Variants in MYO5A observed in about 807,000 individuals in gnomAD.
MYO5A encodes the protein myosin VA.
MYO5A carries 98 observed loss-of-function variants against 249.7 expected under a neutral mutation model. The observed-to-expected ratio is 0.39, with a 90% confidence interval of 0.33 to 0.46. MYO5A has a LOEUF of 0.46. Ranked by LOEUF, MYO5A falls within the 20% of genes least tolerant of loss-of-function variation. MYO5A has a pLI of 0.98. For synonymous variants in MYO5A, 778 were observed against 810.6 expected, an observed-to-expected ratio of 0.96 and a Z score of 0.68; for missense variants, 1,696 against 2,308.8, an observed-to-expected ratio of 0.73 and a Z score of 5.44.
At chr15:52,372,943 T>C (rs908623355) in intron 20 of MYO5A, among the ~76,000 whole-genome samples, 5 of 150,144 alleles carry the variant, frequency 3.3e-5, no homozygotes, top group Middle Eastern at 3.4e-3. Context: ...AAAAAGTTTG[T>C]ACTGATTTAT....
chr15:52,442,357 T>C (rs1171405800), intron 1 of MYO5A, among the ~76,000 whole-genome samples: 1 of 151,780 alleles, frequency 6.6e-6, no homozygotes, highest in Non-Finnish European at 1.5e-5. Context: ...GTAAAATGGG[T>C]GTAAGAGAAA....
At position 52,344,958 on chromosome 15, in the gene MYO5A, A is replaced by G. The variant is rs2039547878; in HGVS notation, c.3959+1403T>C. On this transcript the variant is annotated intron_variant, in intron 30 of 41. Transcript: ENST00000399233. ...CTATATTAACACATTCTTAGATATA[A>G]CATATGTTTATAATTTAAACTGATA... 2.0e-5 allele frequency among the ~76,000 whole-genome samples: 3 copies of G among 152,250 alleles called. No individual in the cohort carries two copies. The South Asian group carries it at 6.2e-4, about 32-fold the overall frequency.
chr15:52,450,899 T>C (rs1461486147), intron 1 of MYO5A, among the ~76,000 whole-genome samples: 1 of 141,870 alleles, frequency 7.0e-6, no homozygotes, highest in East Asian at 2.0e-4. Context: ...CCAGGCTGGA[T>C]TGCAGTGGTG....
intron 1 of MYO5A, among the ~76,000 whole-genome samples, chr15:52,489,059 A>G (rs4774625): frequency 0.15 from 22,857 of 152,176 alleles, 1,828 homozygotes; most frequent in Middle Eastern, 0.22. Context: ...GTGTAAAAGT[A>G]AAACTGCAGA....
At chr15:52,452,067 A>T (rs1186713013) in intron 1 of MYO5A, among the ~76,000 whole-genome samples, 1 of 152,220 alleles carries the variant, frequency 6.6e-6, no homozygotes. Flanking sequence ...AGAATTGAGT[A>T]AATATAGGCA....
At chr15:52,368,362 C>A (rs1314694099) in intron 22 of MYO5A, among the ~76,000 whole-genome samples, 1 of 152,110 alleles carries the variant, frequency 6.6e-6, no homozygotes, top group Non-Finnish European at 1.5e-5. Flanking sequence ...GGTAGGGGTG[C>A]ACAACCAATC....
intron 30 of MYO5A, 116 bp downstream of exon 30, chr15:52,346,245 C>T (rs889350636): frequency 1.4e-6 from 1 of 690,920 alleles, no homozygotes; most frequent in Non-Finnish European, 2.6e-6. Context: ...CCTTTGAAGG[C>T]CAGTTAATGT....
At chr15:52,354,767 T>C (rs1043844054) in intron 25 of MYO5A, among the ~76,000 whole-genome samples, 3 of 151,930 alleles carry the variant, frequency 2.0e-5, no homozygotes, top group East Asian at 1.9e-4. Context: ...GGGAGGAGAA[T>C]TGCTTGAACC....
intron 10 of MYO5A, 55 bp from the exon 11 acceptor site, chr15:52,396,452 A>T (rs1391975709): frequency 1.1e-5 from 10 of 943,494 alleles, no homozygotes; most frequent in Non-Finnish European, 1.7e-5. Context: ...AAGCTTTTTA[A>T]AAATATTCAA....
At chr15:52,424,447 A>G (rs1398639054) in intron 4 of MYO5A, among the ~76,000 whole-genome samples, 1 of 152,206 alleles carries the variant, frequency 6.6e-6, no homozygotes, top group Admixed American at 6.5e-5. Context: ...GAAAGTTGCT[A>G]TAAGAATAAA....
chr15:52,441,885 A>C (rs1256492807), intron 1 of MYO5A, among the ~76,000 whole-genome samples: 1 of 152,210 alleles, frequency 6.6e-6, no homozygotes, highest in Non-Finnish European at 1.5e-5. Context: ...TTTTTCAAAA[A>C]ACTTTTGTTA....
Position 52,313,675 on chromosome 15 carries a change from A to G in MYO5A, c.*21T>C. 1 of 1,613,878 alleles carries G rather than the reference A, an allele frequency of 6.2e-7. No homozygotes were observed. The highest frequency in any genetic ancestry group is 8.5e-7 in the Non-Finnish European group (1 of 1,179,832). On this transcript the variant is annotated 3_prime_UTR_variant, in exon 42 of 42. Coordinates refer to ENST00000399233, the MANE Select transcript of MYO5A (RefSeq NM_001382347.1). ...ATTTCGGGCAAGAAATGTATTGTCA[A>G]TTTTTGCCTGGACATCACTTTCAGA...
chr15:52,458,939 G>A (rs1179182384), intron 1 of MYO5A, among the ~76,000 whole-genome samples: 1 of 151,684 alleles, frequency 6.6e-6, no homozygotes, highest in East Asian at 1.9e-4. Flanking sequence ...AATCTTCATA[G>A]CATTTCTGGG....
At chr15:52,327,645 G>A (rs1353392783) in intron 36 of MYO5A, among the ~76,000 whole-genome samples, 1 of 152,178 alleles carries the variant, frequency 6.6e-6, no homozygotes, top group Non-Finnish European at 1.5e-5. Context: ...ATTGCACTGG[G>A]GCTGCAGTCA....
intron 4 of MYO5A, among the ~76,000 whole-genome samples, chr15:52,419,968 G>A (rs868731700): frequency 6.6e-6 from 1 of 152,096 alleles, no homozygotes; most frequent in South Asian, 2.1e-4. Context: ...TTCATATGTT[G>A]CAAACTGAAT....
At chr15:52,315,331 A>G (rs1348318509) in intron 40 of MYO5A, among the ~76,000 whole-genome samples, 1 of 152,180 alleles carries the variant, frequency 6.6e-6, no homozygotes, top group Non-Finnish European at 1.5e-5. Context: ...TCTTAGTAAG[A>G]AGTTATGCAA....
At position 52,391,912 on chromosome 15, in the gene MYO5A, C is replaced by T; in HGVS notation, c.1542+18G>A. ...CATCTATTTTGATAAACCAAGTACC[C>T]CAGGAAATCATACTTACCTTGCATT... On this transcript the variant is annotated intron_variant, in intron 12 of 41. Transcript: ENST00000399233. 6.2e-7 allele frequency: 1 copy of T among 1,610,696 alleles called. No homozygotes were observed. Among genetic ancestry groups the T allele is most frequent in the Non-Finnish European group, 8.5e-7 (1 of 1,178,038 alleles).
intron 20 of MYO5A, 68 bp from the exon 21 acceptor site, chr15:52,372,431 C>A: frequency 6.3e-7 from 1 of 1,583,148 alleles, no homozygotes; most frequent in South Asian, 1.1e-5. Context: ...CAATCTATGT[C>A]GGGCTGAAAA....
At position 52,316,923 on chromosome 15, in the gene MYO5A, T is replaced by C. The variant is rs2038050031; in HGVS notation, c.5409+125A>G. The C allele has an allele frequency of 3.8e-6, 4 of 1,043,096 alleles. No homozygotes were observed. In the Admixed American group the frequency reaches 7.4e-5, roughly 19 times the overall value. The allele number at this position is 1,043,096 out of a possible 1,614,324, so 64.6% of individuals were successfully genotyped here. A position where few individuals can be genotyped will look rare whatever the true frequency, so the allele number is the denominator to read the frequency against. Reference sequence around the variant, plus strand: ...TTGCTTTAAGATTGGTAGAGGCATATATCTTCTTGAACACAGATGAAGTCA... The same window carrying C: ...TTGCTTTAAGATTGGTAGAGGCATACATCTTCTTGAACACAGATGAAGTCA... On this transcript the variant is annotated intron_variant, in intron 40 of 41. Coordinates refer to ENST00000399233, the MANE Select transcript of MYO5A (RefSeq NM_001382347.1).
Sources: allele counts gnomAD v4.1 joint callset (sites outside exome capture counted in the v4.1 genomes callset), GRCh38; gene constraint gnomAD v4.1.1; transcripts MANE v1.5; gene names NCBI Gene and HGNC (gene_info 2026-07-23, HGNC 2026-07-21).